The following ZDHHC14 variants were observed in gnomAD, a reference collection of about 807,000 sequenced individuals.
ZDHHC14 encodes zDHHC palmitoyltransferase 14.
A neutral mutation model predicts 47.7 loss-of-function variants in ZDHHC14; 16 were observed. The ratio of observed to expected loss-of-function variants is 0.34; its 90% CI spans 0.23 to 0.51. The LOEUF (loss-of-function observed/expected upper bound fraction) is 0.51, where lower values mean the gene tolerates loss of function less well. ZDHHC14 is among the 20% of genes least tolerant of loss of function. The probability of loss-of-function intolerance (pLI) is 0.97; values close to 1 mark genes in which losing one functional copy is unlikely to be tolerated. For missense variants in ZDHHC14, 515 were observed against 662.5 expected, an observed-to-expected ratio of 0.78 and a Z score of 2.44; for synonymous variants, 293 against 278.9, an observed-to-expected ratio of 1.05 and a Z score of -0.50.
intron 2 of ZDHHC14, among the ~76,000 whole-genome samples, chr6:157,584,004 G>A (rs1401796766): frequency 6.6e-6 from 1 of 152,150 alleles, no homozygotes; most frequent in Non-Finnish European, 1.5e-5. Flanking sequence ...AGGGGAGACA[G>A]CCTGGCCTCT....
In ZDHHC14 at chr6:157,632,898, A is replaced by T; in HGVS notation, c.752+16A>T. 2 of 1,613,958 alleles carry T rather than the reference A, an allele frequency of 1.2e-6. No individual in the cohort carries two copies. On this transcript the variant is annotated intron_variant, in intron 5 of 8. Coordinates refer to ENST00000359775, the MANE Select transcript of ZDHHC14 (RefSeq NM_024630.3). ...GTCCTGCAAGATATCCTTTGTGATG[A>T]TTCTGTTTTCACGATGCTAATGTGT...
chr6:157,574,097 C>A (rs1783205778), intron 2 of ZDHHC14, among the ~76,000 whole-genome samples: 1 of 151,290 alleles, frequency 6.6e-6, no homozygotes. Flanking sequence ...AACAACACCA[C>A]ACTCTACACC....
intron 1 of ZDHHC14, among the ~76,000 whole-genome samples, chr6:157,515,434 C>T (rs1378932671): frequency 6.7e-6 from 1 of 150,294 alleles, no homozygotes; most frequent in Non-Finnish European, 1.5e-5. Context: ...GCGCACCCTT[C>T]ATTTCTCTTT....
chr6:157,489,968 G>C (rs1352962587), intron 1 of ZDHHC14, among the ~76,000 whole-genome samples: 4 of 152,190 alleles, frequency 2.6e-5, no homozygotes, highest in Admixed American at 1.3e-4. Context: ...ACCGTAACTG[G>C]AGAGAGAGGA....
chr6:157,390,686 ATC>A (rs1052114760), intron 1 of ZDHHC14, among the ~76,000 whole-genome samples: 1 of 152,058 alleles, frequency 6.6e-6, no homozygotes, highest in Non-Finnish European at 1.5e-5. Flanking sequence ...AATTTTTGAT[ATC>A]TTTTTTTTAT....
intron 2 of ZDHHC14, among the ~76,000 whole-genome samples, chr6:157,551,840 T>C (rs1782248717): frequency 6.6e-6 from 1 of 152,242 alleles, no homozygotes; most frequent in Non-Finnish European, 1.5e-5. Flanking sequence ...TATTATTACA[T>C]ATTTAAAATA....
intron 3 of ZDHHC14, among the ~76,000 whole-genome samples, chr6:157,619,029 G>A (rs568989458): frequency 2.6e-5 from 4 of 152,122 alleles, no homozygotes; most frequent in African/African-American, 7.2e-5. Context: ...AGCTTACTCA[G>A]GGTGTCACTT....
chr6:157,476,333 A>G (rs1164565450), intron 1 of ZDHHC14, among the ~76,000 whole-genome samples: 1 of 152,252 alleles, frequency 6.6e-6, no homozygotes. Context: ...TCCTAGACAC[A>G]TACAACCTAT....
At chr6:157,538,812 A>G (rs146356152) in intron 1 of ZDHHC14, among the ~76,000 whole-genome samples, 1,606 of 152,300 alleles carry the variant, frequency 0.011, 18 homozygotes, top group Non-Finnish European at 0.018. Flanking sequence ...AACATGCTGA[A>G]TGGGAGGTGC....
chr6:157,415,478 G>A (rs753832080), intron 1 of ZDHHC14, among the ~76,000 whole-genome samples: 1 of 152,220 alleles, frequency 6.6e-6, no homozygotes, highest in Non-Finnish European at 1.5e-5. Flanking sequence ...AGAACAGGTG[G>A]GATGTGCTCC....
chr6:157,608,991 G>C (rs968201220), intron 3 of ZDHHC14, among the ~76,000 whole-genome samples: 32 of 152,296 alleles, frequency 2.1e-4, no homozygotes, highest in African/African-American at 7.0e-4. Context: ...GGGCAAAGGA[G>C]AGTGCTTGAC....
At chr6:157,552,356 T>C (rs1782268951) in intron 2 of ZDHHC14, among the ~76,000 whole-genome samples, 1 of 151,822 alleles carries the variant, frequency 6.6e-6, no homozygotes. Flanking sequence ...AGGCGGCACA[T>C]TGGGCACAAT....
intron 1 of ZDHHC14, among the ~76,000 whole-genome samples, chr6:157,414,484 T>C (rs1023406324): frequency 7.9e-5 from 12 of 152,208 alleles, no homozygotes; most frequent in African/African-American, 2.9e-4. Flanking sequence ...GCTCATGCTG[T>C]GCTTGGAGGA....
intron 8 of ZDHHC14, among the ~76,000 whole-genome samples, chr6:157,661,654 G>A (rs1778347814): frequency 6.6e-6 from 1 of 152,130 alleles, no homozygotes; most frequent in Non-Finnish European, 1.5e-5. Context: ...GACACTTTGG[G>A]GCTGGGTGAT....
At chr6:157,588,538 A>T (rs1291939016) in intron 2 of ZDHHC14, among the ~76,000 whole-genome samples, 1 of 152,184 alleles carries the variant, frequency 6.6e-6, no homozygotes, top group Admixed American at 6.5e-5. Context: ...ATGACATGCG[A>T]ATCATGGGTA....
In ZDHHC14 at chr6:157,463,265, A is replaced by T. The variant is rs1209169623; in HGVS notation, c.246-79320A>T. On this transcript the variant is annotated intron_variant, in intron 1 of 8. Transcript: ENST00000359775. The surrounding 1 kb of genome is among the most constrained non-coding windows in gnomAD (Gnocchi z 4.4). ...TTCGGTGTTTGGAACATGGCATAGAACAATTGAAATTGGTTTTTCAATAGA... is the reference window on the plus strand; with the variant it reads ...TTCGGTGTTTGGAACATGGCATAGATCAATTGAAATTGGTTTTTCAATAGA... Among the ~76,000 whole-genome samples the T allele has an allele frequency of 6.6e-6, 1 of 152,092 alleles. No individual in the cohort carries two copies. Among genetic ancestry groups the T allele is most frequent in the African/African-American group, 2.4e-5 (1 of 41,452 alleles).
At chr6:157,608,366 G>T (rs1400291554) in intron 3 of ZDHHC14, among the ~76,000 whole-genome samples, 1 of 152,170 alleles carries the variant, frequency 6.6e-6, no homozygotes, top group Non-Finnish European at 1.5e-5. Context: ...CCACCGAGAA[G>T]CACAGGTGGA....
chr6:157,555,987 G>A (rs1054044191), intron 2 of ZDHHC14, among the ~76,000 whole-genome samples: 2 of 152,152 alleles, frequency 1.3e-5, no homozygotes, highest in East Asian at 3.9e-4. Context: ...AGAGATGCAC[G>A]CTGGATTCAC....
At chr6:157,484,317 A>G (rs1000452745) in intron 1 of ZDHHC14, among the ~76,000 whole-genome samples, 3 of 113,506 alleles carry the variant, frequency 2.6e-5, no homozygotes, top group Admixed American at 1.0e-4. Context: ...ATATATATAC[A>G]CATATATATA....
Sources: gnomAD v4.1 joint callset for allele counts (sites outside exome capture counted in the v4.1 genomes callset) on GRCh38, gnomAD v4.1.1 for gene constraint, Gnocchi (gnomAD v3.1) non-coding constraint, MANE v1.5 for transcripts, NCBI Gene and HGNC (gene_info 2026-07-23, HGNC 2026-07-21) for gene names.